ASTN2: variants seen among roughly 807,000 people sequenced by gnomAD.
ASTN2 encodes astrotactin-2.
Under a neutral mutation model 139.8 loss-of-function variants are expected in ASTN2, and 54 were observed. That is an observed-to-expected ratio of 0.39 (90% CI 0.31 to 0.48). The LOEUF (loss-of-function observed/expected upper bound fraction) is 0.48, where lower values mean the gene tolerates loss of function less well. ASTN2 is among the 20% of genes least tolerant of loss of function. The pLI is 0.95. For synonymous variants in ASTN2, 756 were observed against 719.5 expected (o/e 1.05, Z -0.81); for missense variants, 1,565 against 1,725.1 (o/e 0.91, Z 1.64).
At chr9:116,683,290 T>TA (rs1448617972) in intron 16 of ASTN2, among the ~76,000 whole-genome samples, 1 of 152,106 alleles carries the variant, frequency 6.6e-6, no homozygotes, top group Non-Finnish European at 1.5e-5. Context: ...TATATTTGTA[T>TA]AAATATGTTA....
At chr9:117,081,858 C>T (rs546333842) in intron 5 of ASTN2, among the ~76,000 whole-genome samples, 2 of 152,292 alleles carry the variant, frequency 1.3e-5, no homozygotes, top group Non-Finnish European at 2.9e-5. Flanking sequence ...ACTCATACAG[C>T]TACAAGGAAA....
At chr9:116,919,668 G>C (rs960510585) in intron 10 of ASTN2, among the ~76,000 whole-genome samples, 73 of 121,778 alleles carry the variant, frequency 6.0e-4, no homozygotes, top group Admixed American at 2.0e-3. Context: ...TTTTTTAGCT[G>C]AGAGCAGTAG....
chr9:117,369,813 T>C (rs1015878730), intron 1 of ASTN2, among the ~76,000 whole-genome samples: 1 of 152,126 alleles, frequency 6.6e-6, no homozygotes, highest in African/African-American at 2.4e-5. Flanking sequence ...GTTAATAAAC[T>C]GGGATGCAGA....
intron 10 of ASTN2, among the ~76,000 whole-genome samples, chr9:116,907,680 G>C (rs1404590574): frequency 6.6e-6 from 1 of 152,214 alleles, no homozygotes. Flanking sequence ...TTGGCAGAAA[G>C]GGGCTATGTA....
intron 10 of ASTN2, among the ~76,000 whole-genome samples, chr9:116,944,044 C>T (rs893699084): frequency 9.2e-5 from 14 of 151,694 alleles, no homozygotes; most frequent in African/African-American, 3.4e-4. Flanking sequence ...TTACCATGTG[C>T]CAGGTACTGT....
At chr9:116,502,998 G>A (rs923583767) in intron 19 of ASTN2, among the ~76,000 whole-genome samples, 26 of 135,174 alleles carry the variant, frequency 1.9e-4, no homozygotes, top group Admixed American at 7.0e-4. Context: ...GAGGGAGAGA[G>A]GGAAGGAAGG....
intron 1 of ASTN2, among the ~76,000 whole-genome samples, chr9:117,366,894 C>G: frequency 6.6e-6 from 1 of 152,132 alleles, no homozygotes; most frequent in African/African-American, 2.4e-5. Flanking sequence ...CCTGCCTCAG[C>G]CTCCTGAGTA....
At chr9:116,968,683 G>C (rs1349658949) in intron 10 of ASTN2, among the ~76,000 whole-genome samples, 1 of 152,066 alleles carries the variant, frequency 6.6e-6, no homozygotes, top group Non-Finnish European at 1.5e-5. Context: ...CAGATCACTT[G>C]AGGTCAGGAG....
chr9:116,509,130 G>A (rs1850246400), intron 19 of ASTN2, among the ~76,000 whole-genome samples: 1 of 152,028 alleles, frequency 6.6e-6, no homozygotes, highest in Admixed American at 6.6e-5. Context: ...TTTACATTAG[G>A]TATATCTCCT....
intron 11 of ASTN2, among the ~76,000 whole-genome samples, chr9:116,849,851 T>G (rs1832545561): frequency 6.6e-6 from 1 of 152,212 alleles, no homozygotes. Context: ...TGAGAAAGAT[T>G]TTAAAGCTGG....
chr9:117,286,287 A>G (rs1291162521), intron 2 of ASTN2, among the ~76,000 whole-genome samples: 1 of 152,166 alleles, frequency 6.6e-6, no homozygotes, highest in African/African-American at 2.4e-5. Flanking sequence ...AGAAGTTGTG[A>G]TCACATCTGC....
intron 17 of ASTN2, among the ~76,000 whole-genome samples, chr9:116,639,509 G>GA (rs1478545494): frequency 1.3e-5 from 2 of 152,092 alleles, no homozygotes; most frequent in African/African-American, 4.8e-5. Context: ...TTCTCTCCAG[G>GA]CCCTTACCAC....
Position 117,414,733 on chromosome 9 carries a change from G to T in ASTN2, c.206C>A (p.Thr69Lys). 1.6e-6 allele frequency: 2 copies of T among 1,277,718 alleles called. No homozygotes were observed. The highest frequency in any genetic ancestry group is 2.0e-6 in the Non-Finnish European group (2 of 1,011,252). 79.1% of individuals were successfully genotyped at this position (1,277,718 alleles called of 1,614,324 possible). A position where few individuals can be genotyped will look rare whatever the true frequency, so the allele number is the denominator to read the frequency against. The stretch of plus-strand genomic sequence containing the variant: ...CCGCAGGGCGGGCAGTGTGGACACC[G>T]TGACGGTCTTCAGCCGGCACGGGCT... The part of the protein sequence containing the change: ...PDSPCRLKTV[T>K]VSTLPALRES... Residue 69 changes from threonine to lysine, a missense_variant, in exon 1 of 23, where the codon ACG becomes AAG. Thr to Lys is a moderately conservative substitution (Grantham distance 78). Coordinates refer to ENST00000313400, the MANE Select transcript of ASTN2 (RefSeq NM_001365068.1). This position sits in a 1 kb window ranked among gnomAD's most constrained non-coding sequence, Gnocchi z 4.2.
At chr9:116,626,150 T>TTG (rs1423225929) in intron 17 of ASTN2, among the ~76,000 whole-genome samples, 6 of 140,508 alleles carry the variant, frequency 4.3e-5, no homozygotes, top group South Asian at 2.2e-4. Flanking sequence ...TGGTTAGTTT[T>TTG]TGTGTTTTTT....
chr9:116,685,218 C>G (rs188929930), intron 16 of ASTN2, among the ~76,000 whole-genome samples: 6 of 152,140 alleles, frequency 3.9e-5, no homozygotes, highest in Admixed American at 1.3e-4. Flanking sequence ...GTGGCCCCCC[C>G]ACTCAGGAAC....
chr9:117,394,744 T>C (rs921041600), intron 1 of ASTN2, among the ~76,000 whole-genome samples: 3 of 152,158 alleles, frequency 2.0e-5, no homozygotes, highest in Admixed American at 6.5e-5. Flanking sequence ...CCAGTTTGGC[T>C]GAAGTGTAGG....
At chr9:116,799,311 G>A (rs1830780149) in intron 13 of ASTN2, among the ~76,000 whole-genome samples, 1 of 152,198 alleles carries the variant, frequency 6.6e-6, no homozygotes, top group Middle Eastern at 3.4e-3. Flanking sequence ...CCAAGCGTGG[G>A]TTGTGGGTGC....
chr9:116,426,189 C>T (rs1487781531), intron 22 of ASTN2, 101 bp from the exon 23 acceptor site: 3 of 1,447,770 alleles, frequency 2.1e-6, no homozygotes, highest in African/African-American at 1.4e-5. Context: ...CTTCTCCCAA[C>T]CATTTCCTAT....
At chr9:117,360,792 G>A (rs1458593986) in intron 1 of ASTN2, among the ~76,000 whole-genome samples, 1 of 152,054 alleles carries the variant, frequency 6.6e-6, no homozygotes, top group Non-Finnish European at 1.5e-5. Context: ...CTCTCCATCT[G>A]TAAAATGAGG....
Sources: gnomAD v4.1 joint callset for allele counts (sites outside exome capture counted in the v4.1 genomes callset) on GRCh38, gnomAD v4.1.1 for gene constraint, Gnocchi (gnomAD v3.1) non-coding constraint, MANE v1.5 for transcripts, NCBI Gene and HGNC (gene_info 2026-07-23, HGNC 2026-07-21) for gene names.